The following LOXHD1 variants were observed in gnomAD, a reference collection of about 807,000 sequenced individuals.
The protein encoded by LOXHD1 is lipoxygenase homology PLAT domains 1.
Under a neutral mutation model 248.2 loss-of-function variants are expected in LOXHD1, and 205 were observed. The observed-to-expected ratio is 0.83, with a 90% CI of 0.74 to 0.93. LOXHD1 has a LOEUF of 0.93. Among genes scored for constraint, LOXHD1 ranks in the 40% least tolerant of loss-of-function variants. LOXHD1 has a pLI of 0.00. For synonymous variants in LOXHD1, 1,113 were observed against 1,162.8 expected, an observed-to-expected ratio of 0.96 and a Z score of 0.87; for missense variants, 2,930 against 2,971.6, an observed-to-expected ratio of 0.99 and a Z score of 0.33.
chr18:46,583,475 A>G (rs1374486525), intron 12 of LOXHD1, among the ~76,000 whole-genome samples: 1 of 152,172 alleles, frequency 6.6e-6, no homozygotes, highest in Non-Finnish European at 1.5e-5. Flanking sequence ...AAATGACTCA[A>G]CAGCAAAAAC....
chr18:46,570,797 T>C (rs1175442111), intron 15 of LOXHD1, among the ~76,000 whole-genome samples: 1 of 152,168 alleles, frequency 6.6e-6, no homozygotes, highest in Non-Finnish European at 1.5e-5. Flanking sequence ...TACAAATTTG[T>C]GTTGGGCCAC....
At chr18:46,614,534 A>G (rs1489656015) in intron 5 of LOXHD1, among the ~76,000 whole-genome samples, 1 of 152,124 alleles carries the variant, frequency 6.6e-6, no homozygotes, top group Non-Finnish European at 1.5e-5. Context: ...ACACTTGGAC[A>G]CAGGGTGGGG....
intron 12 of LOXHD1, among the ~76,000 whole-genome samples, chr18:46,585,812 T>C (rs1330361895): frequency 6.6e-6 from 1 of 152,198 alleles, no homozygotes; most frequent in Non-Finnish European, 1.5e-5. Flanking sequence ...CACACATTAC[T>C]AATAAGAATT....
Position 46,546,064 on chromosome 18 carries a change from T to C in LOXHD1, c.3515-643A>G, listed in dbSNP as rs141259097. ...GGAAGCCTTCAATCAATAGAGTTGA[T>C]AGGATGGTTAGGGGATACTTTGAGG... On this transcript the variant is annotated intron_variant, in intron 22 of 40. Coordinates refer to ENST00000642948, the MANE Select transcript of LOXHD1 (RefSeq NM_001384474.1). 3.4e-3 allele frequency among the ~76,000 whole-genome samples: 523 copies of C among 152,098 alleles called. 3 individuals carry two copies. Among genetic ancestry groups the C allele is most frequent in the African/African-American group, 0.012 (502 of 41,488 alleles).
At chr18:46,527,282 AC>A (rs1310581152) in intron 29 of LOXHD1, among the ~76,000 whole-genome samples, 1 of 152,170 alleles carries the variant, frequency 6.6e-6, no homozygotes, top group Non-Finnish European at 1.5e-5. Flanking sequence ...ATAAAAATGG[AC>A]CTCTCAGCTG....
chr18:46,580,257 C>A (rs1386679963), intron 12 of LOXHD1, among the ~76,000 whole-genome samples: 1 of 152,230 alleles, frequency 6.6e-6, no homozygotes, highest in Non-Finnish European at 1.5e-5. Flanking sequence ...GCCCTCAATT[C>A]CATCCATCCC....
At chr18:46,604,412 T>C (rs750362335) in intron 6 of LOXHD1, among the ~76,000 whole-genome samples, 183 bp from the exon 7 acceptor site, 23 of 152,190 alleles carry the variant, frequency 1.5e-4, no homozygotes, top group Admixed American at 3.3e-4. Flanking sequence ...AAGCTCAGAA[T>C]CATACAGGGA....
At chr18:46,559,057 G>C (rs2037448642) in intron 20 of LOXHD1, 1 of 965,090 alleles carries the variant, frequency 1.0e-6, no homozygotes, top group African/African-American at 1.7e-5. Context: ...GCCTTTATAT[G>C]TCTACACCAT....
chr18:46,545,061 C>A, intron 23 of LOXHD1: 2 of 515,208 alleles, frequency 3.9e-6, no homozygotes, highest in Non-Finnish European at 7.2e-6. Context: ...GAAAGTTGGG[C>A]AAAGCCATCT....
intron 34 of LOXHD1, among the ~76,000 whole-genome samples, chr18:46,514,301 T>C (rs968728911): frequency 6.6e-6 from 1 of 152,164 alleles, no homozygotes; most frequent in African/African-American, 2.4e-5. Context: ...ATTGCCTGAC[T>C]CGGGTGCCCC....
At position 46,560,525 on chromosome 18, in the gene LOXHD1, G is replaced by A. The variant is rs1234568370; in HGVS notation, c.2619C>T (p.Gly873=). Residue 873 remains glycine (G), a synonymous_variant, in exon 19 of 41, where the codon GGC becomes GGT. Coordinates refer to ENST00000642948, the MANE Select transcript of LOXHD1 (RefSeq NM_001384474.1). The stretch of plus-strand genomic sequence containing the variant: ...GCCCGAGCCGGAGCTTATAGACCTC[G>A]CCCACGTCGGCCGCCTCAAGCTGTT... The part of the protein sequence containing the change: ...DTFQLEAADV[G]EVYKLRLGHT... The A allele has an allele frequency of 3.0e-5, 46 of 1,531,588 alleles. No individual in the cohort carries two copies. Among genetic ancestry groups the A allele is most frequent in the Non-Finnish European group, 3.8e-5 (43 of 1,143,388 alleles). The allele number at this position is 1,531,588 out of a possible 1,614,324, so 94.9% of individuals were successfully genotyped here. A position where few individuals can be genotyped will look rare whatever the true frequency, so the allele number is the denominator to read the frequency against.
chr18:46,542,363 G>C (rs1415934027), intron 24 of LOXHD1, among the ~76,000 whole-genome samples: 1 of 152,210 alleles, frequency 6.6e-6, no homozygotes. Context: ...CAAAGGCTCT[G>C]GGGGTGGAGC....
chr18:46,517,647 A>G (rs2035330412), intron 34 of LOXHD1, among the ~76,000 whole-genome samples: 1 of 152,120 alleles, frequency 6.6e-6, no homozygotes, highest in Non-Finnish European at 1.5e-5. Context: ...AGTGCCTGGC[A>G]TATACTAGGT....
intron 38 of LOXHD1, among the ~76,000 whole-genome samples, chr18:46,487,303 G>T (rs1332725041): frequency 1.3e-5 from 2 of 152,236 alleles, no homozygotes; most frequent in Non-Finnish European, 2.9e-5. Context: ...CATGGCATCT[G>T]CAGAGGGCAG....
chr18:46,607,351 ATACATATATACATATATG>A lies in LOXHD1; in HGVS notation c.760-3140_760-3123del, dbSNP rs1171093050. On this transcript the variant is annotated intron_variant, in intron 6 of 40. Transcript: ENST00000642948. ...TGTGCATATATACATGTACATATAC[ATACATATATACATATATG>A]TACATATATACATATATACGTACGT... Among the ~76,000 whole-genome samples the A allele has an allele frequency of 3.0e-3, 440 of 148,032 alleles. 2 individuals carry two copies. Among genetic ancestry groups the A allele is most frequent in the African/African-American group, 9.4e-3 (370 of 39,406 alleles).
At chr18:46,520,394 T>C (rs1242766323) in intron 33 of LOXHD1, 2 of 434,482 alleles carry the variant, frequency 4.6e-6, no homozygotes, top group Non-Finnish European at 9.3e-6. Context: ...CCCATAGCCA[T>C]GAGCCAAAAA....
intron 22 of LOXHD1, among the ~76,000 whole-genome samples, chr18:46,545,654 G>A: frequency 1.6e-5 from 1 of 61,742 alleles, no homozygotes. Context: ...TTTTGAGACG[G>A]AGTCTCGCTC....
intron 5 of LOXHD1, among the ~76,000 whole-genome samples, chr18:46,616,256 T>C (rs1236415857): frequency 6.6e-6 from 1 of 152,208 alleles, no homozygotes; most frequent in Non-Finnish European, 1.5e-5. Flanking sequence ...TTATTCCCTT[T>C]TATGTCTTCC....
At chr18:46,485,350 C>T (rs1293777468) in intron 38 of LOXHD1, among the ~76,000 whole-genome samples, 199 bp from the exon 39 acceptor site, 1 of 151,938 alleles carries the variant, frequency 6.6e-6, no homozygotes, top group Admixed American at 6.6e-5. Flanking sequence ...AGCGAATGCT[C>T]TCATTTTATT....
Sources: gnomAD v4.1 joint callset for allele counts (sites outside exome capture counted in the v4.1 genomes callset) on GRCh38, gnomAD v4.1.1 for gene constraint, MANE v1.5 for transcripts, NCBI Gene and HGNC (gene_info 2026-07-23, HGNC 2026-07-21) for gene names.